PKHD1L1: variants seen among roughly 807,000 people sequenced by gnomAD.
PKHD1L1 encodes the protein fibrocystin-L.
Under a neutral mutation model 462.9 loss-of-function variants are expected in PKHD1L1, and 434 were observed. The observed-to-expected ratio is 0.94, with a 90% CI of 0.87 to 1.02. PKHD1L1 has a LOEUF of 1.02. Among genes scored for constraint, PKHD1L1 ranks in the 50% least tolerant of loss-of-function variants. The probability of loss-of-function intolerance (pLI) is 0.00; values close to 1 mark genes in which losing one functional copy is unlikely to be tolerated. For synonymous variants in PKHD1L1, 1,781 were observed against 1,750.0 expected, an observed-to-expected ratio of 1.02 and a Z score of -0.44; for missense variants, 5,202 against 5,096.1, an observed-to-expected ratio of 1.02 and a Z score of -0.63.
chr8:109,393,822 T>TCCCA (rs1389512461), intron 9 of PKHD1L1, among the ~76,000 whole-genome samples: 2 of 152,286 alleles, frequency 1.3e-5, no homozygotes, highest in South Asian at 2.1e-4. Context: ...CAGCGGAAGA[T>TCCCA]CCCAGCCTTT....
chr8:109,459,267 G>T (rs188154915), intron 46 of PKHD1L1, among the ~76,000 whole-genome samples: 8 of 152,024 alleles, frequency 5.3e-5, no homozygotes, highest in African/African-American at 1.9e-4. Context: ...CCCCTGGGAG[G>T]AATAAAATCA....
intron 44 of PKHD1L1, 93 bp downstream of exon 44, chr8:109,454,339 A>G (rs1336256398): frequency 2.4e-6 from 2 of 835,026 alleles, no homozygotes; most frequent in Non-Finnish European, 3.6e-6. Flanking sequence ...AATTATATCA[A>G]CCTCTCCTAA....
chr8:109,480,977 G>A (rs533687670), intron 55 of PKHD1L1, among the ~76,000 whole-genome samples: 22 of 151,980 alleles, frequency 1.4e-4, no homozygotes, highest in Admixed American at 9.9e-4. Context: ...TGAATTTGGT[G>A]TAAAGAAAGG....
chr8:109,472,413 G>T (rs1817768346), intron 50 of PKHD1L1, among the ~76,000 whole-genome samples: 1 of 151,938 alleles, frequency 6.6e-6, no homozygotes, highest in South Asian at 2.1e-4. Context: ...CTATATTCTG[G>T]TTTTTTGATT....
intron 3 of PKHD1L1, 88 bp downstream of exon 3, chr8:109,381,602 C>G (rs1478564251): frequency 9.2e-6 from 9 of 981,262 alleles, no homozygotes; most frequent in Non-Finnish European, 1.1e-5. Context: ...GTTTTATTAC[C>G]CTGGCTATTA....
In PKHD1L1 at chr8:109,432,831, T is replaced by C. The variant is rs904413531; in HGVS notation, c.3230-275T>C. ...GTTATGAGAATAATTTGTTTCTTTATCTTATGCCATATTTTCAATCAGATA... is the reference window on the plus strand; with the variant it reads ...GTTATGAGAATAATTTGTTTCTTTACCTTATGCCATATTTTCAATCAGATA... On this transcript the variant is annotated intron_variant, in intron 27 of 77. Transcript: ENST00000378402. 2.0e-5 allele frequency among the ~76,000 whole-genome samples: 3 copies of C among 152,366 alleles called. No individual in the cohort carries two copies. The South Asian group carries it at 6.2e-4, about 32-fold the overall frequency.
chr8:109,388,690 T>C, intron 7 of PKHD1L1, 140 bp downstream of exon 7: 1 of 649,734 alleles, frequency 1.5e-6, no homozygotes. Flanking sequence ...CATAGCGCAT[T>C]AGCAATCATT....
intron 21 of PKHD1L1, 28 bp from the exon 22 acceptor site, chr8:109,419,069 T>C (rs754548003): frequency 1.3e-6 from 2 of 1,591,920 alleles, no homozygotes; most frequent in Admixed American, 1.7e-5. Context: ...CACTGATCTA[T>C]ACAACAAATT....
intron 63 of PKHD1L1, among the ~76,000 whole-genome samples, chr8:109,495,778 G>A (rs1819050033): frequency 6.6e-6 from 1 of 152,114 alleles, no homozygotes; most frequent in Non-Finnish European, 1.5e-5. Flanking sequence ...AGATACCAGG[G>A]AACCTGAACA....
At position 109,466,540 on chromosome 8, in the gene PKHD1L1, G is replaced by A. The variant is rs748471362; in HGVS notation, c.8414-38G>A. ...GTAGACCTTTTTTATGTTTCTTAAT[G>A]TGAAATAAAAAACATATTTTGTTTG... On this transcript the variant is annotated intron_variant, in intron 49 of 77. Transcript: ENST00000378402. 19 of 1,514,562 alleles carry A rather than the reference G, an allele frequency of 1.3e-5. No individual in the cohort carries two copies. In the Admixed American group the frequency reaches 3.9e-4, roughly 31 times the overall value. The allele number at this position is 1,514,562 out of a possible 1,614,324, so 93.8% of individuals were successfully genotyped here. A position where few individuals can be genotyped will look rare whatever the true frequency, so the allele number is the denominator to read the frequency against.
At chr8:109,383,298 T>TA (rs1812255209) in intron 4 of PKHD1L1, among the ~76,000 whole-genome samples, 1 of 103,448 alleles carries the variant, frequency 9.7e-6, no homozygotes, top group South Asian at 2.5e-4. Context: ...TTATGTATAA[T>TA]TATACAATTA....
rs1421775469 is a variant in PKHD1L1 at position 109,530,843 on chromosome 8, G to T, written c.*753G>T. On this transcript the variant is annotated 3_prime_UTR_variant, in exon 78 of 78. Transcript: ENST00000378402. ...CCGGGCATGAGTTGAGGGTTGAGGG[G>T]TTCCCTTAACTGGTGGATGCTTATT... 6.6e-6 allele frequency among the ~76,000 whole-genome samples: 1 copy of T among 152,134 alleles called. No individual in the cohort carries two copies. Among genetic ancestry groups the T allele is most frequent in the Non-Finnish European group, 1.5e-5 (1 of 68,020 alleles).
At chr8:109,507,091 A>T (rs1442636599) in intron 68 of PKHD1L1, among the ~76,000 whole-genome samples, 1 of 152,210 alleles carries the variant, frequency 6.6e-6, no homozygotes, top group Admixed American at 6.5e-5. Context: ...CTATATATCC[A>T]TAAACAAAGG....
Position 109,527,010 on chromosome 8 carries a change from T to C in PKHD1L1, c.12711T>C (p.Asn4237=). Residue 4237 remains asparagine (N), a synonymous_variant, in exon 77 of 78, where the codon AAT becomes AAC. Transcript: ENST00000378402. The part of the protein sequence containing the change: ...EIFMAAVSTL[N]ITLRSY ...TTATGGCTGCAGTTTCAACTTTGAA[T>C]ATAACTTTAAGTAAGTACAGTCCAT... 1 of 1,606,588 alleles carries C rather than the reference T, an allele frequency of 6.2e-7. No homozygotes were observed. The highest frequency in any genetic ancestry group is 8.5e-7 in the Non-Finnish European group (1 of 1,173,772).
At chr8:109,387,434 A>G (rs996890962) in intron 6 of PKHD1L1, among the ~76,000 whole-genome samples, 2 of 152,194 alleles carry the variant, frequency 1.3e-5, no homozygotes, top group African/African-American at 2.4e-5. Context: ...TCTGAGTTGG[A>G]ATTCTTGCTC....
chr8:109,534,626 G>C lies in PKHD1L1; in HGVS notation c.*4536G>C, dbSNP rs1198492746. Among the ~76,000 whole-genome samples the C allele has an allele frequency of 2.0e-5, 3 of 152,252 alleles. No individual in the cohort carries two copies. Among genetic ancestry groups the C allele is most frequent in the Non-Finnish European group, 2.9e-5 (2 of 68,010 alleles). On this transcript the variant is annotated 3_prime_UTR_variant, in exon 78 of 78. Coordinates refer to ENST00000378402, the MANE Select transcript of PKHD1L1 (RefSeq NM_177531.6). ...AGCTGCAAGGAGTGTTCAGTCTCCA[G>C]TGAAAGAAATATTAAGATTTATTCC...
rs1812013267 is a variant in PKHD1L1 at position 109,379,706 on chromosome 8, G to T, written c.164-1664G>T. On this transcript the variant is annotated intron_variant, in intron 2 of 77. Coordinates refer to ENST00000378402, the MANE Select transcript of PKHD1L1 (RefSeq NM_177531.6). ...GCCTTTGCAACCTTACATTCTGCTG[G>T]ATTTGTGGTCTTAGTTTCCAGGTAG... Among the ~76,000 whole-genome samples the T allele has an allele frequency of 2.0e-5, 3 of 152,176 alleles. No individual in the cohort carries two copies. In the South Asian group the frequency reaches 6.2e-4, roughly 31 times the overall value.
At chr8:109,364,734 C>A (rs1339595539) in intron 2 of PKHD1L1, 98 bp downstream of exon 2, 6 of 788,552 alleles carry the variant, frequency 7.6e-6, no homozygotes, top group Non-Finnish European at 1.2e-5. Flanking sequence ...AAACAAGCAC[C>A]ACTGGAGTTA....
chr8:109,384,697 A>G (rs1812342793), intron 5 of PKHD1L1, among the ~76,000 whole-genome samples: 2 of 152,100 alleles, frequency 1.3e-5, no homozygotes, highest in African/African-American at 4.8e-5. Context: ...CCCAATGGCA[A>G]TAACAGAGAA....
Sources: allele counts gnomAD v4.1 joint callset (sites outside exome capture counted in the v4.1 genomes callset), GRCh38; gene constraint gnomAD v4.1.1; transcripts MANE v1.5; gene names NCBI Gene and HGNC (gene_info 2026-07-23, HGNC 2026-07-21).